ZSWIM8: variants seen among roughly 807,000 people sequenced by gnomAD.
ZSWIM8 encodes the protein zinc finger SWIM-type containing 8.
A neutral mutation model predicts 173.7 loss-of-function variants in ZSWIM8; 27 were observed. The observed-to-expected ratio is 0.16, with a 90% CI of 0.11 to 0.21. The LOEUF (loss-of-function observed/expected upper bound fraction) is 0.21, where lower values mean the gene tolerates loss of function less well. Among genes scored for constraint, ZSWIM8 ranks in the 10% least tolerant of loss-of-function variants. The pLI, the probability that ZSWIM8 is intolerant of heterozygous loss-of-function variation, is 1.00. For missense variants in ZSWIM8, 1,627 were observed against 2,428.8 expected (o/e 0.67, Z 6.94); for synonymous variants, 958 against 962.0 (o/e 1.00, Z 0.08).
At chr10:73,799,910 C>A in intron 21 of ZSWIM8, 101 bp from the exon 22 acceptor site, 2 of 1,299,722 alleles carry the variant, frequency 1.5e-6, no homozygotes, top group Non-Finnish European at 1.1e-6. Flanking sequence ...GAGACTCTAT[C>A]TCAAAAAAAA....
At chr10:73,790,139 A>G (rs775853457) in intron 6 of ZSWIM8, 33 bp from the exon 7 acceptor site, 17 of 1,610,942 alleles carry the variant, frequency 1.1e-5, no homozygotes, top group Admixed American at 1.0e-4. Context: ...CCAGGCCCCT[A>G]TCTCTAGATG....
chr10:73,788,677 G>A lies in ZSWIM8; in HGVS notation c.216G>A (p.Leu72=). The change falls in exon 2 of 26, where the codon CTG becomes CTA. Residue 72 remains leucine, a synonymous_variant. Coordinates refer to ENST00000604729, the MANE Select transcript of ZSWIM8 (RefSeq NM_001367799.1). The part of the protein sequence containing the change: ...GSGGTRMRDG[L]VIPLVELSAK... ...CAACCATTGTTTGCAAAGATGGACT[G>A]GTGATCCCATTGGTGGAGCTGTCAG... is the stretch of plus-strand genomic sequence containing the variant. 6.2e-7 allele frequency: 1 copy of A among 1,613,952 alleles called. No homozygotes were observed. The highest frequency in any genetic ancestry group is 8.5e-7 in the Non-Finnish European group (1 of 1,179,864).
At position 73,791,399 on chromosome 10, in the gene ZSWIM8, G is replaced by T; in HGVS notation, c.1219G>T (p.Gly407Trp). 1 of 1,613,962 alleles carries T rather than the reference G, an allele frequency of 6.2e-7. No individual in the cohort carries two copies. The highest frequency in any genetic ancestry group is 8.5e-7 in the Non-Finnish European group (1 of 1,179,844). Reference protein sequence around the residue: ...SASGHTGRSNGQSEVAAHACA... With the variant: ...SASGHTGRSNWQSEVAAHACA... ...CAGTGGGCACACGGGCCGTAGCAACGGGCAGTCAGAGGTGGCAGCCCATGC... is the reference window on the plus strand; with the variant it reads ...CAGTGGGCACACGGGCCGTAGCAACTGGCAGTCAGAGGTGGCAGCCCATGC... The change falls in exon 9 of 26, where the codon GGG (glycine) becomes TGG (tryptophan). Residue 407 changes from glycine to tryptophan, a missense_variant. Around this residue, in one of 18 missense-constraint regions of ZSWIM8, gnomAD observed 103 missense variants for 155.6 expected, o/e 0.66. Coordinates refer to ENST00000604729, the MANE Select transcript of ZSWIM8 (RefSeq NM_001367799.1). The surrounding 1 kb of genome is among the most constrained non-coding windows in gnomAD (Gnocchi z 6.0).
At chr10:73,796,591 T>G in intron 15 of ZSWIM8, 183 bp from the exon 16 acceptor site, 2 of 720,658 alleles carry the variant, frequency 2.8e-6, no homozygotes, top group Non-Finnish European at 4.5e-6. Flanking sequence ...CCAAGATATG[T>G]TGGGGTTAAA....
Position 73,789,585 on chromosome 10 carries a change from C to T in ZSWIM8, c.630+46C>T. The T allele has an allele frequency of 1.3e-6, 2 of 1,593,334 alleles. No homozygotes were observed. Among genetic ancestry groups the T allele is most frequent in the Non-Finnish European group, 8.5e-7 (1 of 1,169,958 alleles). ...CCCGGCCCTATCCTACACTCCATCC[C>T]CCCCTTCTCTGCTGCATGCCTGGCT... On this transcript the variant is annotated intron_variant, in intron 4 of 25. Coordinates refer to ENST00000604729, the MANE Select transcript of ZSWIM8 (RefSeq NM_001367799.1). The surrounding 1 kb of genome is among the most constrained non-coding windows in gnomAD (Gnocchi z 6.8).
chr10:73,798,689 G>A (rs751073372), intron 20 of ZSWIM8, among the ~76,000 whole-genome samples: 21 of 152,274 alleles, frequency 1.4e-4, no homozygotes, highest in Admixed American at 4.6e-4. Context: ...GGAGGCCTAC[G>A]GTTTAGGGAC....
chr10:73,797,942 A>G lies in ZSWIM8; in HGVS notation c.3824A>G (p.His1275Arg). ...IFTHPSSSGG[H>R]QGPHRNLHLC... ...ACACATCCATCTTCCTCAGGGGGCC[A>G]CCAGGGTCCTCACCGCAACCTGCAC... The change falls in exon 19 of 26, where the codon CAC becomes CGC. Residue 1275 changes from histidine to arginine, a missense_variant. Coordinates refer to ENST00000604729, the MANE Select transcript of ZSWIM8 (RefSeq NM_001367799.1). The surrounding 1 kb of genome is among the most constrained non-coding windows in gnomAD (Gnocchi z 5.6). The G allele has an allele frequency of 6.2e-7, 1 of 1,614,010 alleles. No individual in the cohort carries two copies. Among genetic ancestry groups the G allele is most frequent in the Non-Finnish European group, 8.5e-7 (1 of 1,179,904 alleles).
Position 73,785,821 on chromosome 10 carries a change from C to T in ZSWIM8, c.-58C>T. The T allele has an allele frequency of 2.7e-6, 4 of 1,459,568 alleles. No homozygotes were observed. In the Middle Eastern group the frequency reaches 5.6e-4, roughly 203 times the overall value. 90.4% of individuals were successfully genotyped at this position (1,459,568 alleles called of 1,614,324 possible). On this transcript the variant is annotated 5_prime_UTR_variant, in exon 1 of 26. Coordinates refer to ENST00000604729, the MANE Select transcript of ZSWIM8 (RefSeq NM_001367799.1). ...CCCGGGCCTCCCCTCAACCCCCGGC[C>T]GGCGGCCCAGGCCCCGGATCCGCGG...
Position 73,790,988 on chromosome 10 carries a change from A to G in ZSWIM8, c.955A>G (p.Met319Val). 1 of 1,609,996 alleles carries G rather than the reference A, an allele frequency of 6.2e-7. No individual in the cohort carries two copies. The highest frequency in any genetic ancestry group is 8.5e-7 in the Non-Finnish European group (1 of 1,179,784). ...SPVVFSDVNS[M>V]YLSSTEPPAA... ...CTGCTTTTACAGTGATGTGAACTCC[A>G]TGTATCTGTCTTCCACGGAGCCGCC... is the stretch of plus-strand genomic sequence containing the variant. The change falls in exon 8 of 26, where the codon ATG becomes GTG. Residue 319 changes from methionine (M) to valine (V), a missense_variant. Transcript: ENST00000604729.
chr10:73,801,306 C>G lies in ZSWIM8; in HGVS notation c.5302-10C>G, dbSNP rs1186094844. The G allele has an allele frequency of 1.9e-6, 3 of 1,613,280 alleles. No homozygotes were observed. The highest frequency in any genetic ancestry group is 1.7e-4 in the Middle Eastern group (1 of 6,060). On this transcript the variant is annotated splice_polypyrimidine_tract_variant and intron_variant, in intron 25 of 25. Coordinates refer to ENST00000604729, the MANE Select transcript of ZSWIM8 (RefSeq NM_001367799.1). The surrounding 1 kb of genome is among the most constrained non-coding windows in gnomAD (Gnocchi z 4.9). Reference sequence around the variant, plus strand: ...GTACTAAGGCTCATCCTGCACACATCCTCCTCCAGTACATCCACCACCGCT... The same window carrying G: ...GTACTAAGGCTCATCCTGCACACATGCTCCTCCAGTACATCCACCACCGCT...
In ZSWIM8 at chr10:73,800,692, C is replaced by T; in HGVS notation, c.5055C>T (p.Asn1685=). The T allele has an allele frequency of 6.2e-7, 1 of 1,613,840 alleles. No homozygotes were observed. Among genetic ancestry groups the T allele is most frequent in the South Asian group, 1.1e-5 (1 of 91,088 alleles). ...LGRRAHNDHP[N]NFSRSPPYTD... is the part of the protein sequence containing the mutation. ...GCCGGGCACACAACGATCACCCCAA[C>T]AACTTCTCCCGCTCCCCCCCCTACA... is the stretch of plus-strand genomic sequence containing the variant. The change falls in exon 24 of 26, where the codon AAC becomes AAT. Residue 1685 remains asparagine (N), a synonymous_variant. Transcript: ENST00000604729. The surrounding 1 kb of genome is among the most constrained non-coding windows in gnomAD (Gnocchi z 4.1).
At position 73,800,321 on chromosome 10, in the gene ZSWIM8, G is replaced by A. The variant is rs368892984; in HGVS notation, c.4851G>A (p.Thr1617=). Residue 1617 remains threonine, a synonymous_variant, in exon 23 of 26, where the codon ACG becomes ACA. Transcript: ENST00000604729. This position sits in a 1 kb window ranked among gnomAD's most constrained non-coding sequence, Gnocchi z 4.1. ...TGAGCAGTGTCCATCCAGCATCCAC[G>A]TTTCCAGCCATCCAAGGTGCCTCAC... ...VALSSVHPAS[T]FPAIQGASLP... is the part of the protein sequence containing the mutation. 3.2e-5 allele frequency: 52 copies of A among 1,613,866 alleles called. No individual in the cohort carries two copies. The African/African-American group carries it at 4.4e-4, about 14-fold the overall frequency.
In ZSWIM8 at chr10:73,791,602, C is replaced by A; in HGVS notation, c.1319+103C>A. 7.4e-7 allele frequency: 1 copy of A among 1,344,860 alleles called. No individual in the cohort carries two copies. The highest frequency in any genetic ancestry group is 9.9e-7 in the Non-Finnish European group (1 of 1,012,818). The allele number at this position is 1,344,860 out of a possible 1,614,324, so 83.3% of individuals were successfully genotyped here. Reference sequence around the variant, plus strand: ...GCAGAGACATACCATGATTTTAGTCCTCGGGAAACGGGAGGTGCTGAGCAC... The same window carrying A: ...GCAGAGACATACCATGATTTTAGTCATCGGGAAACGGGAGGTGCTGAGCAC... On this transcript the variant is annotated intron_variant, in intron 9 of 25. Coordinates refer to ENST00000604729, the MANE Select transcript of ZSWIM8 (RefSeq NM_001367799.1). This position sits in a 1 kb window ranked among gnomAD's most constrained non-coding sequence, Gnocchi z 6.0.
At position 73,800,849 on chromosome 10, in the gene ZSWIM8, A is replaced by G; in HGVS notation, c.5122+90A>G. 1 of 1,205,516 alleles carries G rather than the reference A, an allele frequency of 8.3e-7. No individual in the cohort carries two copies. The highest frequency in any genetic ancestry group is 1.2e-6 in the Non-Finnish European group (1 of 857,266). 74.7% of individuals were successfully genotyped at this position (1,205,516 alleles called of 1,614,324 possible). A position where few individuals can be genotyped will look rare whatever the true frequency, so the allele number is the denominator to read the frequency against. ...CAGACCTCCTTCCTAGCTCTTGCTC[A>G]GAGTTGAGGCCTTGGTCGGGTATGT... On this transcript the variant is annotated intron_variant, in intron 24 of 25. Transcript: ENST00000604729. The surrounding 1 kb of genome is among the most constrained non-coding windows in gnomAD (Gnocchi z 4.1).
In ZSWIM8 at chr10:73,790,227, G is replaced by A. The variant is rs988983689; in HGVS notation, c.876G>A (p.Ser292=). Residue 292 remains serine, a synonymous_variant, in exon 7 of 26, where the codon TCG becomes TCA. Coordinates refer to ENST00000604729, the MANE Select transcript of ZSWIM8 (RefSeq NM_001367799.1). ...SDQSTWYLDE[S]TLTDNIKKTL... ...AGAGTACTTGGTATCTGGATGAATC[G>A]ACACTCACTGACAACATCAAAAAGA... 1 of 1,613,680 alleles carries A rather than the reference G, an allele frequency of 6.2e-7. No individual in the cohort carries two copies. The highest frequency in any genetic ancestry group is 8.5e-7 in the Non-Finnish European group (1 of 1,179,754).
Position 73,793,590 on chromosome 10 carries a change from A to G in ZSWIM8, c.2316A>G (p.Val772=), listed in dbSNP as rs2083500442. Residue 772 remains valine, a splice_region_variant and synonymous_variant, in exon 11 of 26, where the codon GTA becomes GTG. Transcript: ENST00000604729. ...KPLEQESRME[V]LFACAEALHA... ...CTGGTCCCATGTCCTCCTTCCAGGT[A>G]CTGTTTGCCTGTGCTGAGGCCCTGC... The G allele has an allele frequency of 6.3e-7, 1 of 1,586,712 alleles. No homozygotes were observed. The highest frequency in any genetic ancestry group is 8.6e-7 in the Non-Finnish European group (1 of 1,166,134).
At chr10:73,794,926 TAAAAAAA>T (rs34754583) in intron 14 of ZSWIM8, 42 of 91,706 alleles carry the variant, frequency 4.6e-4, no homozygotes, top group Admixed American at 1.7e-3. Context: ...CATCTCTACT[TAAAAAAA>T]AAAAAAAAAA....
chr10:73,786,217 G>A (rs2083212382), intron 1 of ZSWIM8, 131 bp downstream of exon 1: 1 of 1,067,332 alleles, frequency 9.4e-7, no homozygotes, highest in Non-Finnish European at 1.3e-6. Context: ...GCTGTCCCCG[G>A]CCGGGAGCTG....
At chr10:73,799,957 C>T (rs2083858128) in intron 21 of ZSWIM8, 54 bp from the exon 22 acceptor site, 1 of 1,572,480 alleles carries the variant, frequency 6.4e-7, no homozygotes, top group Non-Finnish European at 8.7e-7. Flanking sequence ...TGAAGCACGA[C>T]AGCAACATCC....
Sources: allele counts gnomAD v4.1 joint callset (sites outside exome capture counted in the v4.1 genomes callset), GRCh38; gene constraint gnomAD v4.1.1; regional missense constraint gnomAD v4.1.1; non-coding constraint Gnocchi (gnomAD v3.1); transcripts MANE v1.5; gene names NCBI Gene and HGNC (gene_info 2026-07-23, HGNC 2026-07-21).